ZNF143: variants seen among roughly 807,000 people sequenced by gnomAD.
ZNF143 encodes the protein zinc finger protein 143, also known as SPH-binding factor.
ZNF143 carries 49 observed loss-of-function variants against 74.1 expected under a neutral mutation model. That is an observed-to-expected ratio of 0.66 (90% CI 0.53 to 0.84). The LOEUF (loss-of-function observed/expected upper bound fraction) is 0.84. ZNF143 is among the 40% of genes least tolerant of loss of function. ZNF143 has a pLI of 0.00. For missense variants in ZNF143, 637 were observed against 793.4 expected, an observed-to-expected ratio of 0.80 and a Z score of 2.37; for synonymous variants, 304 against 282.8, an observed-to-expected ratio of 1.07 and a Z score of -0.75.
intron 7 of ZNF143, among the ~76,000 whole-genome samples, chr11:9,488,097 G>A (rs576235148): frequency 1.3e-5 from 2 of 151,936 alleles, no homozygotes; most frequent in South Asian, 2.1e-4. Context: ...TTTCTAAAAC[G>A]CAGATAGCCA....
intron 13 of ZNF143, among the ~76,000 whole-genome samples, chr11:9,514,473 A>T (rs1174115410): frequency 3.3e-5 from 5 of 152,226 alleles, no homozygotes; most frequent in Non-Finnish European, 5.9e-5. Flanking sequence ...GAAGGGCAGT[A>T]TCACAGTCTA....
At chr11:9,487,702 A>G (rs1030460820) in intron 7 of ZNF143, among the ~76,000 whole-genome samples, 8 of 152,228 alleles carry the variant, frequency 5.3e-5, no homozygotes, top group Admixed American at 1.3e-4. Flanking sequence ...TTTAAATACC[A>G]GTGAAGTCAT....
chr11:9,519,168 C>G (rs1848825012), intron 14 of ZNF143, among the ~76,000 whole-genome samples: 1 of 151,726 alleles, frequency 6.6e-6, no homozygotes, highest in African/African-American at 2.4e-5. Context: ...ATAGTCAGTA[C>G]TCACTCTCCT....
At position 9,512,538 on chromosome 11, in the gene ZNF143, T is replaced by A; in HGVS notation, c.1466T>A (p.Val489Glu). ...DDVVSTQVAT[V>E]TQSGLSQQVT... is the part of the protein sequence containing the mutation. ...GTTGTTTCTACACAAGTAGCCACAG[T>A]AACCCAATCTGGACTGAGTCAACAA... Residue 489 changes from valine to glutamate, a missense_variant, in exon 13 of 16, where the codon GTA becomes GAA. Physicochemically the swap from Val to Glu is moderately radical, Grantham distance 121. Around this residue, in one of 2 missense-constraint regions of ZNF143, gnomAD observed 344 missense variants for 485.6 expected, o/e 0.71. Coordinates refer to ENST00000396602, the MANE Select transcript of ZNF143 (RefSeq NM_003442.6). 1 of 1,614,242 alleles carries A rather than the reference T, an allele frequency of 6.2e-7. No individual in the cohort carries two copies. Among genetic ancestry groups the A allele is most frequent in the Non-Finnish European group, 8.5e-7 (1 of 1,180,042 alleles).
rs1445688503 is a variant in ZNF143, at chr11:9,516,310, C to T, written c.1634C>T (p.Ala545Val). The T allele has an allele frequency of 6.2e-7, 1 of 1,613,906 alleles. No homozygotes were observed. The highest frequency in any genetic ancestry group is 8.5e-7 in the Non-Finnish European group (1 of 1,179,940). Residue 545 changes from alanine (A) to valine (V), a missense_variant, in exon 14 of 16, where the codon GCA (alanine) becomes GTA (valine). By Grantham distance (64) the Ala-to-Val change is moderately conservative. Coordinates refer to ENST00000396602, the MANE Select transcript of ZNF143 (RefSeq NM_003442.6). ...VPAHDAVISS[A>V]GTHSVAMVTA... Reference sequence around the variant, plus strand: ...GCCCATGATGCAGTCATCTCCTCAGCAGGAACGCACTCTGTTGCTATGGTT... The same window carrying T: ...GCCCATGATGCAGTCATCTCCTCAGTAGGAACGCACTCTGTTGCTATGGTT...
chr11:9,525,221 T>G lies in ZNF143; in HGVS notation c.1687-19T>G, dbSNP rs758047621. 6.2e-7 allele frequency: 1 copy of G among 1,613,934 alleles called. No homozygotes were observed. Among genetic ancestry groups the G allele is most frequent in the South Asian group, 1.1e-5 (1 of 91,034 alleles). On this transcript the variant is annotated intron_variant, in intron 14 of 15. Transcript: ENST00000396602. ...AGGTTTAATTCTTTATGTGTATGGTTTGTTTTGTTTTGCTTAAGGTTGCAA... is the reference window on the plus strand; with the variant it reads ...AGGTTTAATTCTTTATGTGTATGGTGTGTTTTGTTTTGCTTAAGGTTGCAA...
chr11:9,519,551 C>T (rs1231574580), intron 14 of ZNF143, among the ~76,000 whole-genome samples: 1 of 152,152 alleles, frequency 6.6e-6, no homozygotes, highest in Non-Finnish European at 1.5e-5. Context: ...ACATTGTTGG[C>T]ATGTAATAAC....
At position 9,466,718 on chromosome 11, in the gene ZNF143, G is replaced by A. The variant is rs138702883; in HGVS notation, c.-7-4584G>A. ...GGCCTCCCCAAGTGCTGCAGTTACA[G>A]GTGTGAGCCATCATGCCCAGCCTGC... On this transcript the variant is annotated intron_variant, in intron 1 of 15. Coordinates refer to ENST00000396602, the MANE Select transcript of ZNF143 (RefSeq NM_003442.6). Among the ~76,000 whole-genome samples, 357 of 152,252 alleles carry A rather than the reference G, an allele frequency of 2.3e-3. 2 individuals are homozygous for A. Among genetic ancestry groups the A allele is most frequent in the African/African-American group, 8.1e-3 (338 of 41,546 alleles).
At chr11:9,507,629 T>C (rs891250381) in intron 11 of ZNF143, among the ~76,000 whole-genome samples, 2 of 152,202 alleles carry the variant, frequency 1.3e-5, no homozygotes, top group African/African-American at 4.8e-5. Flanking sequence ...GCCCCTTCAG[T>C]GTAGTTAAAA....
At chr11:9,467,092 C>T (rs957618978) in intron 1 of ZNF143, among the ~76,000 whole-genome samples, 1 of 151,702 alleles carries the variant, frequency 6.6e-6, no homozygotes, top group Non-Finnish European at 1.5e-5. Context: ...CGGGGTTTCA[C>T]CGTGTTAGCC....
intron 1 of ZNF143, among the ~76,000 whole-genome samples, chr11:9,468,700 A>T (rs551804228): frequency 1.3e-5 from 2 of 152,324 alleles, no homozygotes; most frequent in African/African-American, 4.8e-5. Flanking sequence ...ATATAACTCA[A>T]GGCTGGGTGT....
intron 1 of ZNF143, among the ~76,000 whole-genome samples, chr11:9,465,995 A>T (rs1590486620): frequency 7.2e-6 from 1 of 138,236 alleles, no homozygotes. Flanking sequence ...TGTCTGGCTA[A>T]TTTTTTTTTT....
At chr11:9,472,912 T>TTA in intron 3 of ZNF143, 143 bp downstream of exon 3, 5 of 438,224 alleles carry the variant, frequency 1.1e-5, no homozygotes, top group Non-Finnish European at 1.1e-5. Context: ...TTCAGTTTAA[T>TTA]TCTTTTTTTT....
chr11:9,463,051 A>G (rs1855968123), intron 1 of ZNF143, among the ~76,000 whole-genome samples: 1 of 152,208 alleles, frequency 6.6e-6, no homozygotes, highest in Admixed American at 6.5e-5. Context: ...GATATTTCAC[A>G]TAAATGGAAT....
intron 12 of ZNF143, among the ~76,000 whole-genome samples, chr11:9,510,120 CTT>C (rs59202962): frequency 1.6e-4 from 23 of 140,712 alleles, no homozygotes; most frequent in Non-Finnish European, 1.6e-4. Context: ...TTCCTATATT[CTT>C]TTTTTTTTTT....
chr11:9,483,977 T>G (rs972014435), intron 7 of ZNF143, among the ~76,000 whole-genome samples: 1 of 150,718 alleles, frequency 6.6e-6, no homozygotes, highest in Non-Finnish European at 1.5e-5. Flanking sequence ...CTGAATCTCT[T>G]GACCTCGTGA....
intron 1 of ZNF143, chr11:9,471,043 G>T: frequency 5.3e-6 from 1 of 187,932 alleles, no homozygotes; most frequent in Non-Finnish European, 1.1e-5. Flanking sequence ...ATATGAAACT[G>T]ATGGGCACAA....
chr11:9,513,272 C>G (rs937476841), intron 13 of ZNF143, among the ~76,000 whole-genome samples: 5 of 152,204 alleles, frequency 3.3e-5, no homozygotes, highest in African/African-American at 1.2e-4. Flanking sequence ...ACCCATCTCT[C>G]AGAGTTTAAT....
intron 15 of ZNF143, 70 bp from the exon 16 acceptor site, chr11:9,527,460 C>G (rs868312578): frequency 7.0e-7 from 1 of 1,437,344 alleles, no homozygotes; most frequent in Middle Eastern, 1.8e-4. Context: ...TGGCATATAA[C>G]ATTTCTTTGG....
Sources: gnomAD v4.1 joint callset for allele counts (sites outside exome capture counted in the v4.1 genomes callset) on GRCh38, gnomAD v4.1.1 for gene constraint, gnomAD v4.1.1 regional missense constraint, MANE v1.5 for transcripts, NCBI Gene and HGNC (gene_info 2026-07-23, HGNC 2026-07-21) for gene names.